The following EBF2 variants were observed in gnomAD, a reference collection of about 807,000 sequenced individuals.
EBF2 encodes EBF transcription factor 2, also known as transcription factor COE2.
In EBF2, 21 loss-of-function variants were observed where a neutral mutation model predicts 72.8. The observed-to-expected ratio is 0.29, with a 90% CI of 0.20 to 0.42. The LOEUF is 0.42. EBF2 is among the 10% of genes least tolerant of loss of function. The pLI, the probability that EBF2 is intolerant of heterozygous loss-of-function variation, is 1.00. For synonymous variants in EBF2, 299 were observed against 274.2 expected, an observed-to-expected ratio of 1.09 and a Z score of -0.89; for missense variants, 637 against 731.2, an observed-to-expected ratio of 0.87 and a Z score of 1.49.
intron 7 of EBF2, among the ~76,000 whole-genome samples, chr8:25,901,971 A>G (rs1260753399): frequency 6.6e-6 from 1 of 152,202 alleles, no homozygotes; most frequent in Non-Finnish European, 1.5e-5. Flanking sequence ...CTGTATCTCC[A>G]GCACCTAGGA....
At chr8:25,860,826 A>C (rs1036009599) in intron 13 of EBF2, among the ~76,000 whole-genome samples, 3 of 152,092 alleles carry the variant, frequency 2.0e-5, no homozygotes, top group African/African-American at 7.2e-5. Flanking sequence ...AGTAATACTC[A>C]ATCTTCCCCT....
At position 25,844,404 on chromosome 8, in the gene EBF2, G is replaced by C. The variant is rs900335716; in HGVS notation, c.*205C>G. 1 of 563,326 alleles carries C rather than the reference G, an allele frequency of 1.8e-6. No individual in the cohort carries two copies. The highest frequency in any genetic ancestry group is 1.9e-5 in the African/African-American group (1 of 53,096). The allele number at this position is 563,326 out of a possible 1,614,324, so 34.9% of individuals were successfully genotyped here. On this transcript the variant is annotated 3_prime_UTR_variant, in exon 16 of 16. Transcript: ENST00000520164. ...TACGTCAATGACATCTTTTGTCCTT[G>C]TCCCAAGAGGGTCAGTTTGTGTAGC...
chr8:26,007,497 T>A (rs963515579), intron 6 of EBF2, among the ~76,000 whole-genome samples: 1 of 152,162 alleles, frequency 6.6e-6, no homozygotes, highest in African/African-American at 2.4e-5. Flanking sequence ...AGGGTCCATA[T>A]GTAAAACAAA....
chr8:25,877,729 C>T (rs568553558), intron 10 of EBF2, among the ~76,000 whole-genome samples: 174 of 152,206 alleles, frequency 1.1e-3, no homozygotes, highest in African/African-American at 4.1e-3. Context: ...TCCCGCAGGA[C>T]TCTCCTTCTA....
chr8:25,877,178 G>GC (rs1802537160), intron 10 of EBF2, among the ~76,000 whole-genome samples: 1 of 152,094 alleles, frequency 6.6e-6, no homozygotes, highest in African/African-American at 2.4e-5. Context: ...TCCTCTCCCT[G>GC]CATACTCACT....
At chr8:25,986,340 C>G (rs1049675943) in intron 6 of EBF2, among the ~76,000 whole-genome samples, 1 of 152,158 alleles carries the variant, frequency 6.6e-6, no homozygotes, top group Non-Finnish European at 1.5e-5. Context: ...TCTAACTTCT[C>G]TCTCACTGGG....
In EBF2 at chr8:25,947,541, A is replaced by T. The variant is rs146070141; in HGVS notation, c.552-38986T>A. 3.9e-5 allele frequency among the ~76,000 whole-genome samples: 6 copies of T among 152,316 alleles called. No homozygotes were observed. In the East Asian group the frequency reaches 1.2e-3, roughly 29 times the overall value. On this transcript the variant is annotated intron_variant, in intron 6 of 15. Coordinates refer to ENST00000520164, the MANE Select transcript of EBF2 (RefSeq NM_022659.4). Reference sequence around the variant, plus strand: ...AGACTTTCAGTTCTTGACCACTCACATCCAACACAACTGCATTTAGACCAG... The same window carrying T: ...AGACTTTCAGTTCTTGACCACTCACTTCCAACACAACTGCATTTAGACCAG...
At chr8:25,886,947 G>A in intron 9 of EBF2, 66 bp from the exon 10 acceptor site, 1 of 1,543,292 alleles carries the variant, frequency 6.5e-7, no homozygotes, top group Non-Finnish European at 8.8e-7. Context: ...GACATAAGGT[G>A]TACAACATCT....
intron 6 of EBF2, among the ~76,000 whole-genome samples, chr8:26,006,753 G>C (rs564016165): frequency 2.6e-5 from 4 of 152,252 alleles, no homozygotes; most frequent in Admixed American, 6.5e-5. Context: ...TCCTTTTTAA[G>C]AGACTGGAAA....
At chr8:26,028,438 A>G (rs1335708308) in intron 6 of EBF2, among the ~76,000 whole-genome samples, 2 of 152,242 alleles carry the variant, frequency 1.3e-5, no homozygotes, top group Non-Finnish European at 2.9e-5. Context: ...CAGTACGCAC[A>G]TGGGTAGCCT....
chr8:26,026,242 C>T (rs974273313), intron 6 of EBF2, among the ~76,000 whole-genome samples: 8 of 152,176 alleles, frequency 5.3e-5, no homozygotes, highest in Non-Finnish European at 1.0e-4. Context: ...ACTGGGTTCT[C>T]CCATACTGGA....
chr8:25,881,816 T>G (rs1223080763), intron 10 of EBF2, among the ~76,000 whole-genome samples: 1 of 151,710 alleles, frequency 6.6e-6, no homozygotes, highest in Non-Finnish European at 1.5e-5. Context: ...TGGCTGGACA[T>G]CCAGAGGAAC....
At chr8:25,855,555 G>A (rs1319785066) in intron 14 of EBF2, among the ~76,000 whole-genome samples, 1 of 152,098 alleles carries the variant, frequency 6.6e-6, no homozygotes, top group Non-Finnish European at 1.5e-5. Flanking sequence ...TTGCTCCGTG[G>A]CATGGTCCAG....
intron 13 of EBF2, among the ~76,000 whole-genome samples, chr8:25,859,448 G>C (rs1361948771): frequency 6.6e-6 from 1 of 152,104 alleles, no homozygotes; most frequent in African/African-American, 2.4e-5. Flanking sequence ...GTGTGGATGA[G>C]TTCCCCTAAA....
At position 25,952,291 on chromosome 8, in the gene EBF2, G is replaced by A. The variant is rs1398785793; in HGVS notation, c.552-43736C>T. 2.0e-5 allele frequency among the ~76,000 whole-genome samples: 3 copies of A among 152,170 alleles called. No individual in the cohort carries two copies. In the East Asian group the frequency reaches 5.8e-4, roughly 29 times the overall value. ...CTCTGGGTAACAGAGCAAGACTCTA[G>A]TATGTTCACATGCCTGTTGGCCTAC... On this transcript the variant is annotated intron_variant, in intron 6 of 15. Transcript: ENST00000520164.
chr8:26,005,325 AT>A (rs1804835773), intron 6 of EBF2, among the ~76,000 whole-genome samples: 1 of 1,160 alleles, frequency 8.6e-4, no homozygotes, highest in Non-Finnish European at 1.6e-3. Flanking sequence ...TATATTATAT[AT>A]AATTATATAT....
In EBF2 at chr8:26,044,407, C is replaced by T. The variant is rs1805665255; in HGVS notation, c.131+322G>A. On this transcript the variant is annotated intron_variant, in intron 1 of 15. Transcript: ENST00000520164. This position sits in a 1 kb window ranked among gnomAD's most constrained non-coding sequence, Gnocchi z 4.1. ...CGCTCCGTTCGGGGCCAGGCCGGCT[C>T]GGCTTGCAGGACTAGGGGCTGAGCT... Among the ~76,000 whole-genome samples, 1 of 152,234 alleles carries T rather than the reference C, an allele frequency of 6.6e-6. No individual in the cohort carries two copies. The highest frequency in any genetic ancestry group is 2.1e-4 in the South Asian group (1 of 4,836).
At chr8:25,855,782 C>CTGTT (rs1461441387) in intron 14 of EBF2, among the ~76,000 whole-genome samples, 2 of 152,142 alleles carry the variant, frequency 1.3e-5, no homozygotes, top group African/African-American at 2.4e-5. Flanking sequence ...AATGAATGCA[C>CTGTT]TGTTTGGAAT....
chr8:26,037,069 T>G (rs926053060), intron 5 of EBF2, among the ~76,000 whole-genome samples: 10 of 152,298 alleles, frequency 6.6e-5, no homozygotes, highest in African/African-American at 1.9e-4. Context: ...TTGGTTTATT[T>G]TATTCTAGTA....
Sources: allele counts gnomAD v4.1 joint callset (sites outside exome capture counted in the v4.1 genomes callset), GRCh38; gene constraint gnomAD v4.1.1; non-coding constraint Gnocchi (gnomAD v3.1); transcripts MANE v1.5; gene names NCBI Gene and HGNC (gene_info 2026-07-23, HGNC 2026-07-21).